Variants in CDH3 observed in about 807,000 individuals in gnomAD.
The protein encoded by CDH3 is cadherin-3.
CDH3 carries 54 observed loss-of-function variants against 82.0 expected under a neutral mutation model. That is an observed-to-expected ratio of 0.66 (90% CI 0.53 to 0.83). The LOEUF is 0.83. Among genes scored for constraint, CDH3 ranks in the 40% least tolerant of loss-of-function variants. The pLI, the probability that CDH3 is intolerant of heterozygous loss-of-function variation, is 0.00. For missense variants in CDH3, 1,054 were observed against 1,084.6 expected, an observed-to-expected ratio of 0.97 and a Z score of 0.40; for synonymous variants, 446 against 437.9, an observed-to-expected ratio of 1.02 and a Z score of -0.23.
At chr16:68,697,757 C>T (rs942289345) in intron 15 of CDH3, among the ~76,000 whole-genome samples, 3 of 152,168 alleles carry the variant, frequency 2.0e-5, no homozygotes, top group African/African-American at 7.2e-5. Context: ...CAGGTATTTA[C>T]TCATTTACTC....
intron 12 of CDH3, among the ~76,000 whole-genome samples, chr16:68,690,029 T>C (rs1279030981): frequency 6.6e-6 from 1 of 152,192 alleles, no homozygotes; most frequent in African/African-American, 2.4e-5. Context: ...AAGAGGCCAC[T>C]GATATTATGT....
intron 2 of CDH3, among the ~76,000 whole-genome samples, chr16:68,662,432 G>A (rs1026218251): frequency 1.3e-5 from 2 of 152,062 alleles, no homozygotes; most frequent in Non-Finnish European, 2.9e-5. Flanking sequence ...AACAGTCACT[G>A]CTCTCCAGCC....
At chr16:68,664,956 C>CTAGGCACATA (rs1335562484) in intron 2 of CDH3, among the ~76,000 whole-genome samples, 5 of 152,100 alleles carry the variant, frequency 3.3e-5, no homozygotes, top group African/African-American at 1.2e-4. Flanking sequence ...AGCTGCATGG[C>CTAGGCACATA]ATTTGGGATT....
rs1961842968 is a variant in CDH3 at position 68,699,365 on chromosome 16, C to A, written c.*965C>A. ...CTCCACAGCCCCAGCAAGGTCTCTTCTGGAACAGCGGCTGCCCTCCCTGCA... is the reference window on the plus strand; with the variant it reads ...CTCCACAGCCCCAGCAAGGTCTCTTATGGAACAGCGGCTGCCCTCCCTGCA... On this transcript the variant is annotated 3_prime_UTR_variant, in exon 16 of 16. Coordinates refer to ENST00000264012, the MANE Select transcript of CDH3 (RefSeq NM_001793.6). The A allele has an allele frequency of 6.6e-6, 1 of 152,448 alleles. No individual in the cohort carries two copies. Among genetic ancestry groups the A allele is most frequent in the Admixed American group, 6.5e-5 (1 of 15,276 alleles). 9.4% of individuals were successfully genotyped at this position (152,448 alleles called of 1,614,324 possible). A position where few individuals can be genotyped will look rare whatever the true frequency, so the allele number is the denominator to read the frequency against.
At chr16:68,688,844 T>A (rs1273965930) in intron 12 of CDH3, among the ~76,000 whole-genome samples, 2 of 152,162 alleles carry the variant, frequency 1.3e-5, no homozygotes, top group Non-Finnish European at 2.9e-5. Flanking sequence ...GGTCTTGAAC[T>A]CCTGACTTCA....
chr16:68,645,987 C>A lies in CDH3; in HGVS notation c.160+237C>A, dbSNP rs377115981. 2.9e-5 allele frequency: 16 copies of A among 548,328 alleles called. 1 individual carries two copies. The highest frequency in any genetic ancestry group is 2.9e-4 in the African/African-American group (15 of 52,128). The allele number at this position is 548,328 out of a possible 1,614,324, so 34.0% of individuals were successfully genotyped here. Reference sequence around the variant, plus strand: ...CCGGTAGCCACTGCTTACCTTGACCCCCTCCTCCGAGATGCCGGATGGCTG... The same window carrying A: ...CCGGTAGCCACTGCTTACCTTGACCACCTCCTCCGAGATGCCGGATGGCTG... On this transcript the variant is annotated intron_variant, in intron 2 of 15. Coordinates refer to ENST00000264012, the MANE Select transcript of CDH3 (RefSeq NM_001793.6).
rs1961825834 is a variant in CDH3, at chr16:68,698,790, T to C, written c.*390T>C. ...GGTGCAACTTAATTTTTTTTTTTAA[T>C]GCTATCTTCAAAACGTTAGAGAAAG... On this transcript the variant is annotated 3_prime_UTR_variant, in exon 16 of 16. Coordinates refer to ENST00000264012, the MANE Select transcript of CDH3 (RefSeq NM_001793.6). 3 of 205,980 alleles carry C rather than the reference T, an allele frequency of 1.5e-5. No homozygotes were observed. The Admixed American group carries it at 1.6e-4, about 11-fold the overall frequency. 12.8% of individuals were successfully genotyped at this position (205,980 alleles called of 1,614,324 possible). A position where few individuals can be genotyped will look rare whatever the true frequency, so the allele number is the denominator to read the frequency against.
chr16:68,670,708 A>T (rs997158397), intron 2 of CDH3, among the ~76,000 whole-genome samples: 6 of 152,218 alleles, frequency 3.9e-5, no homozygotes, highest in Non-Finnish European at 8.8e-5. Context: ...TTCAAGTTCT[A>T]CATCAGCAGT....
At chr16:68,659,972 C>T (rs535474984) in intron 2 of CDH3, among the ~76,000 whole-genome samples, 19 of 152,242 alleles carry the variant, frequency 1.2e-4, no homozygotes, top group Admixed American at 2.6e-4. Flanking sequence ...TTTTTAATAG[C>T]GCCGTAGTCT....
At chr16:68,701,800 C>T (rs979351959), downstream of CDH3, among the ~76,000 whole-genome samples, 22 of 151,566 alleles carry the variant, frequency 1.5e-4, no homozygotes, top group African/African-American at 2.4e-4. Flanking sequence ...CTGAGGCGGG[C>T]GGATTATGAG....
At chr16:68,675,760 C>G (rs1442364920) in intron 2 of CDH3, among the ~76,000 whole-genome samples, 1 of 150,754 alleles carries the variant, frequency 6.6e-6, no homozygotes, top group Non-Finnish European at 1.5e-5. Flanking sequence ...TGCCACTACA[C>G]TCCAGCCTGG....
At chr16:68,710,360 C>A (rs962155800) in intron 1 of CDH3, among the ~76,000 whole-genome samples, 2 of 152,178 alleles carry the variant, frequency 1.3e-5, no homozygotes, top group African/African-American at 4.8e-5. Context: ...TCACCCTAAC[C>A]GAGTGGTTCT....
At chr16:68,666,731 G>A (rs1191802515) in intron 2 of CDH3, among the ~76,000 whole-genome samples, 1 of 152,120 alleles carries the variant, frequency 6.6e-6, no homozygotes, top group African/African-American at 2.4e-5. Context: ...ATAATTGTCA[G>A]CCTTATGCTA....
chr16:68,715,557 G>A (rs193196587), intron 1 of CDH3, among the ~76,000 whole-genome samples: 68 of 152,256 alleles, frequency 4.5e-4, no homozygotes, highest in African/African-American at 1.5e-3. Flanking sequence ...TCTTCTCCCA[G>A]AGACATAGCC....
intron 2 of CDH3, among the ~76,000 whole-genome samples, chr16:68,724,764 T>C (rs980437039): frequency 1.3e-5 from 2 of 152,128 alleles, no homozygotes; most frequent in Non-Finnish European, 2.9e-5. Context: ...AATTAATCTA[T>C]ATGGATGTCA....
chr16:68,690,782 C>A (rs886474091), intron 12 of CDH3, among the ~76,000 whole-genome samples: 2 of 151,718 alleles, frequency 1.3e-5, no homozygotes, highest in African/African-American at 4.8e-5. Flanking sequence ...TGGCGGGTGC[C>A]TGTAATCTCA....
At chr16:68,647,689 G>A (rs1350584009) in intron 2 of CDH3, among the ~76,000 whole-genome samples, 1 of 152,120 alleles carries the variant, frequency 6.6e-6, no homozygotes, top group Admixed American at 6.5e-5. Context: ...TCTTGGTCCA[G>A]TTGGTCCCAA....
At chr16:68,672,689 C>G (rs1960919535) in intron 2 of CDH3, among the ~76,000 whole-genome samples, 1 of 152,196 alleles carries the variant, frequency 6.6e-6, no homozygotes, top group Admixed American at 6.5e-5. Flanking sequence ...GGGATGTCGT[C>G]AAGGAGGCAG....
intron 2 of CDH3, among the ~76,000 whole-genome samples, chr16:68,722,811 C>T (rs948765636): frequency 1.3e-5 from 2 of 151,788 alleles, no homozygotes; most frequent in South Asian, 2.1e-4. Context: ...TTTTTTGAGA[C>T]GGGTTTCGCT....
Sources: allele counts gnomAD v4.1 joint callset (sites outside exome capture counted in the v4.1 genomes callset), GRCh38; gene constraint gnomAD v4.1.1; transcripts MANE v1.5; gene names NCBI Gene and HGNC (gene_info 2026-07-23, HGNC 2026-07-21).